The following DNAJC5B variants were observed in gnomAD, a reference collection of about 807,000 sequenced individuals.
The protein encoded by DNAJC5B is dnaJ homolog subfamily C member 5B.
Under a neutral mutation model 24.7 loss-of-function variants are expected in DNAJC5B, and 23 were observed. That is an observed-to-expected ratio of 0.93 (90% confidence interval 0.67 to 1.32). The LOEUF (loss-of-function observed/expected upper bound fraction) is 1.32, where lower values mean the gene tolerates loss of function less well. Ranked by LOEUF, DNAJC5B falls within the 40% of genes most tolerant of loss-of-function variation. The pLI, the probability that DNAJC5B is intolerant of heterozygous loss-of-function variation, is 0.00. For synonymous variants in DNAJC5B, 101 were observed against 90.1 expected, an observed-to-expected ratio of 1.12 and a Z score of -0.68; for missense variants, 238 against 240.8, an observed-to-expected ratio of 0.99 and a Z score of 0.08.
chr8:66,076,790 G>T lies in DNAJC5B; in HGVS notation c.250G>T (p.Gly84Ter). The change falls in exon 4 of 6, where the codon GGA (glycine) becomes TGA (stop). Residue 84 changes from glycine to a stop codon, truncating the protein, a stop_gained. Coordinates refer to ENST00000276570, the MANE Select transcript of DNAJC5B (RefSeq NM_033105.6). LOFTEE classifies it high-confidence loss of function. ...AAAGAGAAGCATATACGACAAGTAC[G>T]GATCGCTGGGACTCTACGTGGCCGA... ...ISKRSIYDKY[G>*]SLGLYVAEQF... 1 of 1,614,144 alleles carries T rather than the reference G, an allele frequency of 6.2e-7. No homozygotes were observed. The highest frequency in any genetic ancestry group is 1.1e-5 in the South Asian group (1 of 91,074).
intron 2 of DNAJC5B, among the ~76,000 whole-genome samples, chr8:66,045,024 G>C (rs114513628): frequency 6.6e-6 from 1 of 152,066 alleles, no homozygotes; most frequent in Non-Finnish European, 1.5e-5. Flanking sequence ...AGTCATTAAA[G>C]GTTTCAATGT....
At chr8:66,065,916 A>C (rs951792607) in intron 3 of DNAJC5B, among the ~76,000 whole-genome samples, 8 of 152,170 alleles carry the variant, frequency 5.3e-5, no homozygotes, top group African/African-American at 9.7e-5. Flanking sequence ...AGAGAGCTCC[A>C]AAGAACTATA....
chr8:66,039,433 C>T (rs956340465), intron 1 of DNAJC5B, among the ~76,000 whole-genome samples: 1 of 150,730 alleles, frequency 6.6e-6, no homozygotes, highest in Non-Finnish European at 1.5e-5. Flanking sequence ...ACTGCAACCT[C>T]TGCCTCCTGG....
At chr8:66,093,443 G>C (rs1807888681) in intron 5 of DNAJC5B, among the ~76,000 whole-genome samples, 1 of 152,112 alleles carries the variant, frequency 6.6e-6, no homozygotes, top group South Asian at 2.1e-4. Context: ...TAGTAGGTGG[G>C]AAATGGTGTG....
intron 3 of DNAJC5B, 99 bp downstream of exon 3, chr8:66,051,765 T>A: frequency 1.2e-6 from 1 of 858,304 alleles, no homozygotes; most frequent in Non-Finnish European, 1.9e-6. Flanking sequence ...CTAAGACCAG[T>A]AATCCAAATT....
chr8:66,023,923 C>T (rs553372349), intron 1 of DNAJC5B, among the ~76,000 whole-genome samples: 2 of 152,106 alleles, frequency 1.3e-5, no homozygotes, highest in Non-Finnish European at 2.9e-5. Flanking sequence ...AGGTAGTCAG[C>T]GTTTTTCCAA....
chr8:66,016,293 T>C, the DNAJC5B span, among the ~76,000 whole-genome samples: 1 of 152,210 alleles, frequency 6.6e-6, no homozygotes, highest in Non-Finnish European at 1.5e-5. Flanking sequence ...CCTCACATGT[T>C]GTGGGAGGGA....
intron 1 of DNAJC5B, among the ~76,000 whole-genome samples, chr8:66,042,623 C>T (rs1806636861): frequency 6.7e-6 from 1 of 148,628 alleles, no homozygotes; most frequent in Non-Finnish European, 1.5e-5. Context: ...TCTTCTTCTT[C>T]TCCTTCTCCT....
chr8:66,023,221 A>G (rs1806180098), intron 1 of DNAJC5B, among the ~76,000 whole-genome samples: 1 of 152,222 alleles, frequency 6.6e-6, no homozygotes, highest in African/African-American at 2.4e-5. Context: ...GGCCTCTCCA[A>G]TACACTCTGC....
intron 3 of DNAJC5B, among the ~76,000 whole-genome samples, chr8:66,067,740 A>C (rs1253783692): frequency 2.0e-5 from 3 of 152,178 alleles, no homozygotes; most frequent in Non-Finnish European, 2.9e-5. Context: ...TGAGCTCCCA[A>C]CCACAGCCAG....
chr8:66,058,879 T>C (rs1370540331), intron 3 of DNAJC5B, among the ~76,000 whole-genome samples: 1 of 152,186 alleles, frequency 6.6e-6, no homozygotes, highest in Non-Finnish European at 1.5e-5. Context: ...TTATTGACAT[T>C]TTGTGAAGAG....
chr8:66,041,320 A>T (rs1806603520), intron 1 of DNAJC5B, among the ~76,000 whole-genome samples: 1 of 152,216 alleles, frequency 6.6e-6, no homozygotes, highest in Non-Finnish European at 1.5e-5. Flanking sequence ...TAAAAGAAAG[A>T]CTATGTAACC....
At chr8:66,043,123 G>A (rs1030086329) in intron 1 of DNAJC5B, among the ~76,000 whole-genome samples, 3 of 152,168 alleles carry the variant, frequency 2.0e-5, no homozygotes, top group Admixed American at 2.0e-4. Context: ...CTAGGCGAGG[G>A]TTAAATATGC....
rs537422804 is a variant in DNAJC5B at position 66,095,623 on chromosome 8, A to C, written c.506-4314A>C. Among the ~76,000 whole-genome samples the C allele has an allele frequency of 2.7e-5, 4 of 149,336 alleles. No homozygotes were observed. The South Asian group carries it at 6.4e-4, about 24-fold the overall frequency. ...CTTACATTAAAAATTTAAGACTATA[A>C]ATTTTGAATTTTCTTATAAGTTATA... is the stretch of plus-strand genomic sequence containing the variant. On this transcript the variant is annotated intron_variant, in intron 5 of 5. Coordinates refer to ENST00000276570, the MANE Select transcript of DNAJC5B (RefSeq NM_033105.6).
chr8:66,065,765 G>A (rs1807178921), intron 3 of DNAJC5B, among the ~76,000 whole-genome samples: 1 of 152,176 alleles, frequency 6.6e-6, no homozygotes. Context: ...GGCCCTCATA[G>A]CATAAGACTG....
At chr8:66,052,440 T>G (rs1436123586) in intron 3 of DNAJC5B, among the ~76,000 whole-genome samples, 1 of 152,156 alleles carries the variant, frequency 6.6e-6, no homozygotes, top group Non-Finnish European at 1.5e-5. Flanking sequence ...CTTTTTATTT[T>G]AAGTCCAAGG....
the DNAJC5B span, among the ~76,000 whole-genome samples, chr8:66,016,363 G>A: frequency 6.6e-6 from 1 of 152,156 alleles, no homozygotes; most frequent in Non-Finnish European, 1.5e-5. Flanking sequence ...TTGTGATAAT[G>A]AGTGTGTCTC....
intron 4 of DNAJC5B, among the ~76,000 whole-genome samples, chr8:66,077,759 T>C (rs184369200): frequency 5.9e-4 from 90 of 152,364 alleles, no homozygotes; most frequent in Non-Finnish European, 1.0e-3. Flanking sequence ...GTTTTATGTA[T>C]GCAGGAAGAC....
intron 3 of DNAJC5B, among the ~76,000 whole-genome samples, 185 bp from the exon 4 acceptor site, chr8:66,076,475 G>C (rs1807464893): frequency 6.6e-6 from 1 of 152,206 alleles, no homozygotes; most frequent in Admixed American, 6.5e-5. Flanking sequence ...TATTGCGCCT[G>C]TGCATTCGAA....
Sources: allele counts gnomAD v4.1 joint callset (sites outside exome capture counted in the v4.1 genomes callset), GRCh38; gene constraint gnomAD v4.1.1; transcripts MANE v1.5; gene names NCBI Gene and HGNC (gene_info 2026-07-23, HGNC 2026-07-21).